The following CD6 variants were observed in gnomAD, a reference collection of about 807,000 sequenced individuals.
CD6 encodes CD6 molecule, also known as T-cell differentiation antigen CD6.
CD6 carries 53 observed loss-of-function variants against 75.3 expected under a neutral mutation model. The ratio of observed to expected loss-of-function variants is 0.70; its 90% CI spans 0.56 to 0.88. CD6 has a LOEUF of 0.88. CD6 is among the 40% of genes least tolerant of loss of function. The pLI, the probability that CD6 is intolerant of heterozygous loss-of-function variation, is 0.00. For synonymous variants in CD6, 359 were observed against 381.5 expected (o/e 0.94, Z 0.69); for missense variants, 770 against 897.1 (o/e 0.86, Z 1.81).
chr11:60,997,394 A>AT (rs1207954285), intron 1 of CD6, among the ~76,000 whole-genome samples: 4 of 150,026 alleles, frequency 2.7e-5, no homozygotes, highest in African/African-American at 9.7e-5. Flanking sequence ...AAAAAAAAAT[A>AT]AAATAAAATA....
At chr11:60,992,187 T>G (rs1350854151) in intron 1 of CD6, among the ~76,000 whole-genome samples, 2 of 151,812 alleles carry the variant, frequency 1.3e-5, no homozygotes, top group East Asian at 3.9e-4. Flanking sequence ...CCTCATTTTT[T>G]TATTTTTAAA....
intron 7 of CD6, 88 bp from the exon 8 acceptor site, chr11:61,013,831 T>C: frequency 1.1e-6 from 1 of 886,524 alleles, no homozygotes; most frequent in Admixed American, 2.6e-5. Flanking sequence ...ATGAGGAGGG[T>C]GGTGTGTCGA....
At chr11:60,982,219 T>C (rs553465724) in intron 1 of CD6, among the ~76,000 whole-genome samples, 119 of 115,276 alleles carry the variant, frequency 1.0e-3, no homozygotes, top group African/African-American at 3.4e-3. Flanking sequence ...GGGGGTCCCA[T>C]CTGAGGACCT....
In CD6 at chr11:61,007,300, C is replaced by A. The variant is rs1190008506; in HGVS notation, c.119-260C>A. On this transcript the variant is annotated intron_variant, in intron 2 of 12. Transcript: ENST00000313421. The surrounding 1 kb of genome is among the most constrained non-coding windows in gnomAD (Gnocchi z 4.2). The stretch of plus-strand genomic sequence containing the variant: ...GAGGAGGGTTTCTAGGGGGCTGGAC[C>A]CCTAGTTGTCTGTCACCCATCTTAA... Among the ~76,000 whole-genome samples, 1 of 152,062 alleles carries A rather than the reference C, an allele frequency of 6.6e-6. No individual in the cohort carries two copies. Among genetic ancestry groups the A allele is most frequent in the Non-Finnish European group, 1.5e-5 (1 of 68,008 alleles).
At chr11:60,983,325 C>G (rs1197665373) in intron 1 of CD6, among the ~76,000 whole-genome samples, 1 of 152,106 alleles carries the variant, frequency 6.6e-6, no homozygotes, top group Admixed American at 6.6e-5. Context: ...CTCCTGACCT[C>G]AAGCGATCCT....
intron 1 of CD6, among the ~76,000 whole-genome samples, chr11:60,980,305 G>T (rs3019549): frequency 6.6e-6 from 1 of 152,148 alleles, no homozygotes; most frequent in South Asian, 2.1e-4. Context: ...GAGTTCCAGA[G>T]CAGCATAGGC....
chr11:60,998,680 C>T lies in CD6; in HGVS notation c.50-7894C>T, dbSNP rs191402480. Among the ~76,000 whole-genome samples, 221 of 152,320 alleles carry T rather than the reference C, an allele frequency of 1.5e-3. 5 individuals carry two copies. In the East Asian group the frequency reaches 0.031, roughly 22 times the overall value. On this transcript the variant is annotated intron_variant, in intron 1 of 12. Coordinates refer to ENST00000313421, the MANE Select transcript of CD6 (RefSeq NM_006725.5). ...ACACTGTCTGCCCAGGTGCTCTCTG[C>T]AGGCTCATTGGAGCAGGGTGACTGG...
intron 6 of CD6, among the ~76,000 whole-genome samples, chr11:61,013,096 A>G (rs1251757203): frequency 6.6e-6 from 1 of 152,228 alleles, no homozygotes. Flanking sequence ...GTCTAGGGCC[A>G]GGCACACAGC....
chr11:60,998,714 T>C (rs546723589), intron 1 of CD6, among the ~76,000 whole-genome samples: 19 of 152,270 alleles, frequency 1.2e-4, no homozygotes, highest in South Asian at 1.2e-3. Context: ...GGGTAGTCAG[T>C]ATGAAAGCTC....
chr11:60,982,920 A>T lies in CD6; in HGVS notation c.49+11006A>T, dbSNP rs1275803701. ...CAGGCACAGGCTTAACTAACTCCCC[A>T]CCCCCACCCCTAGAGAGAATGCGGG... On this transcript the variant is annotated intron_variant, in intron 1 of 12. Transcript: ENST00000313421. 1.2e-5 allele frequency: 4 copies of T among 343,960 alleles called. No individual in the cohort carries two copies. The East Asian group carries it at 3.1e-4, about 26-fold the overall frequency. The allele number at this position is 343,960 out of a possible 1,614,324, so 21.3% of individuals were successfully genotyped here.
At chr11:60,981,222 C>T (rs1194787427) in intron 1 of CD6, among the ~76,000 whole-genome samples, 2 of 152,164 alleles carry the variant, frequency 1.3e-5, no homozygotes, top group Non-Finnish European at 2.9e-5. Flanking sequence ...GTATGCGCTA[C>T]TATTTAATAC....
Position 61,020,324 on chromosome 11 carries a change from G to C in CD6, c.*1006G>C, listed in dbSNP as rs1237935645. 3 of 398,912 alleles carry C rather than the reference G, an allele frequency of 7.5e-6. No homozygotes were observed. The highest frequency in any genetic ancestry group is 1.3e-5 in the Non-Finnish European group (3 of 226,072). The allele number at this position is 398,912 out of a possible 1,614,324, so 24.7% of individuals were successfully genotyped here. ...AGAGAGGCCCATGGGCTCAGACCAG[G>C]CTTTGTTGTCCTGCTCTGAGTATCC... On this transcript the variant is annotated 3_prime_UTR_variant, in exon 13 of 13. Transcript: ENST00000313421.
At chr11:61,011,352 G>A (rs1358421658) in intron 6 of CD6, among the ~76,000 whole-genome samples, 1 of 152,118 alleles carries the variant, frequency 6.6e-6, no homozygotes, top group Non-Finnish European at 1.5e-5. Flanking sequence ...AGATCACTGA[G>A]TCCTGATACT....
At chr11:61,011,187 G>GTGTGTGTGTGTT in intron 6 of CD6, 52 bp downstream of exon 6, 1 of 1,277,370 alleles carries the variant, frequency 7.8e-7, no homozygotes, top group Non-Finnish European at 1.1e-6. Context: ...ACGTGTGTGT[G>GTGTGTGTGTGTT]TGTGTGTGTG....
At chr11:61,001,328 G>A (rs1445283451) in intron 1 of CD6, among the ~76,000 whole-genome samples, 4 of 148,762 alleles carry the variant, frequency 2.7e-5, no homozygotes, top group South Asian at 2.2e-4. Context: ...TCAGCCTCCC[G>A]AGTAGCTGGA....
chr11:60,994,270 G>T (rs929794092), intron 1 of CD6, among the ~76,000 whole-genome samples: 3 of 151,826 alleles, frequency 2.0e-5, no homozygotes, highest in Non-Finnish European at 2.9e-5. Context: ...GTGAAACCCT[G>T]TCTCTAGTAA....
In CD6 at chr11:61,007,633, G is replaced by A; in HGVS notation, c.192G>A (p.Ala64=). The change falls in exon 3 of 13, where the codon GCG becomes GCA. Residue 64 remains alanine, a synonymous_variant. Transcript: ENST00000313421. The surrounding 1 kb of genome is among the most constrained non-coding windows in gnomAD (Gnocchi z 4.2). The part of the protein sequence containing the change: ...CSGTVEVRLE[A]SWEPACGALW... ...GGACGGTGGAGGTGCGGCTCGAGGC[G>A]TCCTGGGAGCCCGCGTGCGGGGCGC... 1 of 1,477,978 alleles carries A rather than the reference G, an allele frequency of 6.8e-7. No homozygotes were observed. The highest frequency in any genetic ancestry group is 2.4e-4 in the Middle Eastern group (1 of 4,214). The allele number at this position is 1,477,978 out of a possible 1,614,324, so 91.6% of individuals were successfully genotyped here.
intron 1 of CD6, among the ~76,000 whole-genome samples, chr11:60,983,876 T>C (rs1183704522): frequency 1.3e-5 from 2 of 152,220 alleles, no homozygotes; most frequent in African/African-American, 2.4e-5. Context: ...TTTCATGTCA[T>C]TGATCTTTTT....
chr11:61,010,922 G>T (rs749011462), intron 5 of CD6, 148 bp from the exon 6 acceptor site: 10 of 662,330 alleles, frequency 1.5e-5, no homozygotes, highest in African/African-American at 3.6e-5. Context: ...GGGGAGGGAG[G>T]TAAGTTTCCT....
Sources: allele counts gnomAD v4.1 joint callset (sites outside exome capture counted in the v4.1 genomes callset), GRCh38; gene constraint gnomAD v4.1.1; non-coding constraint Gnocchi (gnomAD v3.1); transcripts MANE v1.5; gene names NCBI Gene and HGNC (gene_info 2026-07-23, HGNC 2026-07-21).